Variants in BRI3 observed in about 807,000 individuals in gnomAD.
BRI3 encodes the protein membrane protein BRI3.
Under a neutral mutation model 12.8 loss-of-function variants are expected in BRI3, and 6 were observed. The ratio of observed to expected loss-of-function variants is 0.47; its 90% CI spans 0.26 to 0.93. The LOEUF (loss-of-function observed/expected upper bound fraction) is 0.93, where lower values mean the gene tolerates loss of function less well. Among genes scored for constraint, BRI3 ranks in the 40% least tolerant of loss-of-function variants. BRI3 has a pLI of 0.15. For synonymous variants in BRI3, 91 were observed against 76.1 expected (o/e 1.20, Z -1.02); for missense variants, 134 against 171.1 (o/e 0.78, Z 1.21).
In BRI3 at chr7:98,291,369, C is replaced by T. The variant is rs1266297528; in HGVS notation, c.*126C>T. ...AAAGCGAGGTGGGACCGATGTGGCA[C>T]ACGCCAGCTGCGGTTTCCCGGAGCG... On this transcript the variant is annotated 3_prime_UTR_variant, in exon 3 of 3. Transcript: ENST00000297290. 1 of 1,502,644 alleles carries T rather than the reference C, an allele frequency of 6.7e-7. No individual in the cohort carries two copies. The allele number at this position is 1,502,644 out of a possible 1,614,324, so 93.1% of individuals were successfully genotyped here. A position where few individuals can be genotyped will look rare whatever the true frequency, so the allele number is the denominator to read the frequency against.
intron 2 of BRI3, among the ~76,000 whole-genome samples, chr7:98,285,802 G>T (rs1238936563): frequency 2.0e-5 from 3 of 152,174 alleles, no homozygotes; most frequent in Non-Finnish European, 4.4e-5. Flanking sequence ...CAGCTCCCCT[G>T]TGGGGAGTGG....
At chr7:98,300,401 G>C (rs1253982899) in intron 1 of BRI3, among the ~76,000 whole-genome samples, 1 of 152,242 alleles carries the variant, frequency 6.6e-6, no homozygotes, top group Non-Finnish European at 1.5e-5. Context: ...GCTGTCTACA[G>C]AGGCTGGATG....
At chr7:98,310,686 C>CTATT (rs3062609), downstream of BRI3, 7,172 of 799,624 alleles carry the variant, frequency 9.0e-3, 305 homozygotes, top group African/African-American at 0.1. Flanking sequence ...AAATAATAGG[C>CTATT]TATTTATTTA....
downstream of BRI3, chr7:98,293,557 A>G (rs1218702529): frequency 1.2e-6 from 2 of 1,613,778 alleles, no homozygotes; most frequent in African/African-American, 1.3e-5. Flanking sequence ...CATTCGTCAC[A>G]GTCGGGCGGA....
intron 2 of BRI3, among the ~76,000 whole-genome samples, chr7:98,288,610 G>A (rs1449584102): frequency 6.6e-6 from 1 of 151,848 alleles, no homozygotes; most frequent in Non-Finnish European, 1.5e-5. Flanking sequence ...ACACAGACAG[G>A]TGGCGTTGTG....
chr7:98,321,539 C>T, the BRI3 span, among the ~76,000 whole-genome samples: 2 of 152,112 alleles, frequency 1.3e-5, no homozygotes, highest in Non-Finnish European at 2.9e-5. Flanking sequence ...ATCACGCCCC[C>T]GGGTTTGCAA....
intron 1 of BRI3, chr7:98,306,941 TTTTA>T (rs1210113814): frequency 2.3e-5 from 4 of 171,960 alleles, no homozygotes; most frequent in Non-Finnish European, 5.0e-5. Context: ...TCCATATTGG[TTTTA>T]TTTAATACAT....
At chr7:98,286,312 G>A (rs922736527) in intron 2 of BRI3, among the ~76,000 whole-genome samples, 1 of 152,236 alleles carries the variant, frequency 6.6e-6, no homozygotes, top group African/African-American at 2.4e-5. Context: ...TACTGTCCCA[G>A]GGCCCAGCTC....
At chr7:98,298,465 T>G (rs79685422) in intron 1 of BRI3, among the ~76,000 whole-genome samples, 1 of 151,958 alleles carries the variant, frequency 6.6e-6, no homozygotes, top group Non-Finnish European at 1.5e-5. Context: ...ACAAAAAACT[T>G]AGCCAGGCGT....
intron 1 of BRI3, among the ~76,000 whole-genome samples, chr7:98,300,727 C>A (rs1431485927): frequency 6.6e-6 from 1 of 152,102 alleles, no homozygotes; most frequent in East Asian, 1.9e-4. Context: ...GTACGAAAGA[C>A]AGGAGGGCAC....
At chr7:98,307,908 A>G in exon 2 of BRI3, 2 of 1,613,832 alleles carry the variant, frequency 1.2e-6, no homozygotes, top group Non-Finnish European at 1.7e-6. Flanking sequence ...TGTTGGAGGG[A>G]GTGTAGCAGT....
chr7:98,299,828 A>G (rs1440890453), intron 1 of BRI3, among the ~76,000 whole-genome samples: 1 of 151,876 alleles, frequency 6.6e-6, no homozygotes, highest in Non-Finnish European at 1.5e-5. Flanking sequence ...ATCACCTGAG[A>G]TCAGGAGTTC....
chr7:98,304,440 T>G, upstream of BRI3: 1 of 1,543,666 alleles, frequency 6.5e-7, no homozygotes, highest in Non-Finnish European at 8.9e-7. Context: ...CCAAACATCC[T>G]CTGTGTCCCT....
At chr7:98,306,795 A>G in intron 1 of BRI3, 1 of 422,066 alleles carries the variant, frequency 2.4e-6, no homozygotes, top group Non-Finnish European at 4.3e-6. Context: ...GCAGCCTCGA[A>G]CTCATGGGCT....
chr7:98,312,762 G>GA (rs1800919481), downstream of BRI3, among the ~76,000 whole-genome samples: 1 of 152,194 alleles, frequency 6.6e-6, no homozygotes, highest in Admixed American at 6.5e-5. Flanking sequence ...GAGGGACTGG[G>GA]TGAGTGGTGG....
chr7:98,303,336 C>G (rs1170974868), upstream of BRI3, among the ~76,000 whole-genome samples: 1 of 152,174 alleles, frequency 6.6e-6, no homozygotes, highest in Non-Finnish European at 1.5e-5. Flanking sequence ...CAAAGCAAGA[C>G]AGCTCCTGGA....
chr7:98,299,965 CG>C (rs1800354142), intron 1 of BRI3, among the ~76,000 whole-genome samples: 1 of 152,142 alleles, frequency 6.6e-6, no homozygotes, highest in African/African-American at 2.4e-5. Context: ...TGCTTGAGCC[CG>C]GGAAGTGGAG....
At chr7:98,292,334 G>C, downstream of BRI3, 1 of 359,966 alleles carries the variant, frequency 2.8e-6, no homozygotes, top group South Asian at 3.1e-5. Flanking sequence ...TGATTCTCCT[G>C]CCTCAGCCTC....
the BRI3 span, among the ~76,000 whole-genome samples, chr7:98,322,661 T>C: frequency 6.6e-6 from 1 of 152,070 alleles, no homozygotes; most frequent in Non-Finnish European, 1.5e-5. Context: ...GATTCTCCCA[T>C]CCACCCCCAG....
Sources: gnomAD v4.1 joint callset for allele counts (sites outside exome capture counted in the v4.1 genomes callset) on GRCh38, gnomAD v4.1.1 for gene constraint, MANE v1.5 for transcripts, NCBI Gene and HGNC (gene_info 2026-07-23, HGNC 2026-07-21) for gene names.